CELF4: variants seen among roughly 807,000 people sequenced by gnomAD.
The protein encoded by CELF4 is CUGBP Elav-like family member 4, also known as CUG-BP- and ETR-3-like factor 4.
CELF4 carries 18 observed loss-of-function variants against 59.9 expected under a neutral mutation model. That is an observed-to-expected ratio of 0.30 (90% CI 0.21 to 0.45). The LOEUF is 0.45. CELF4 is among the 20% of genes least tolerant of loss of function. The pLI, the probability that CELF4 is intolerant of heterozygous loss-of-function variation, is 1.00. For missense variants in CELF4, 456 were observed against 689.0 expected, an observed-to-expected ratio of 0.66 and a Z score of 3.79; for synonymous variants, 261 against 267.1, an observed-to-expected ratio of 0.98 and a Z score of 0.22.
At chr18:37,375,904 G>A (rs937741947) in intron 2 of CELF4, among the ~76,000 whole-genome samples, 2 of 152,122 alleles carry the variant, frequency 1.3e-5, no homozygotes, top group Non-Finnish European at 2.9e-5. Flanking sequence ...CCTCCCCATG[G>A]GCTGGAGGAG....
intron 1 of CELF4, among the ~76,000 whole-genome samples, chr18:37,561,803 C>A (rs1305896567): frequency 2.6e-5 from 4 of 152,182 alleles, no homozygotes; most frequent in Admixed American, 2.6e-4. Flanking sequence ...GCCCTCAGCT[C>A]ATTTCTGCTG....
chr18:37,308,380 C>A (rs645501), intron 3 of CELF4, among the ~76,000 whole-genome samples: 2,931 of 152,306 alleles, frequency 0.019, 90 homozygotes, highest in African/African-American at 0.066. Flanking sequence ...CTGGTCTCAG[C>A]AGCTTTTCAG....
At position 37,297,346 on chromosome 18, in the gene CELF4, T is replaced by TA. The variant is rs775364834; in HGVS notation, c.449-22104dup. On this transcript the variant is annotated intron_variant, in intron 3 of 12. Transcript: ENST00000420428. ...CATTGCTGTCTTCAGAATTCTCTTTTAAAATGCAAGATCACTTTATCCAAG... is the reference window on the plus strand; with the variant it reads ...CATTGCTGTCTTCAGAATTCTCTTTTAAAAATGCAAGATCACTTTATCCAAG... Among the ~76,000 whole-genome samples the TA allele has an allele frequency of 1.2e-4, 18 of 152,186 alleles. 1 individual carries two copies. Among genetic ancestry groups the TA allele is most frequent in the South Asian group, 4.1e-4 (2 of 4,832 alleles).
chr18:37,554,015 T>C (rs1035201078), intron 1 of CELF4, among the ~76,000 whole-genome samples: 25 of 152,234 alleles, frequency 1.6e-4, no homozygotes, highest in African/African-American at 6.0e-4. Flanking sequence ...GTGGTCTAGC[T>C]TCTGGGCTCT....
chr18:37,477,779 T>G (rs553037532), intron 2 of CELF4, among the ~76,000 whole-genome samples: 1 of 152,334 alleles, frequency 6.6e-6, no homozygotes, highest in African/African-American at 2.4e-5. Context: ...TTTTGTCCGA[T>G]GCCAGACACC....
chr18:37,243,332 T>A lies in CELF4; in HGVS notation c.*1910A>T, dbSNP rs1568585902. ...TAGAGGAACTGGAAATTTGTTCTTCTAAAGGGAAACTGGTAGGTCTGAGAA... is the reference window on the plus strand; with the variant it reads ...TAGAGGAACTGGAAATTTGTTCTTCAAAAGGGAAACTGGTAGGTCTGAGAA... On this transcript the variant is annotated 3_prime_UTR_variant, in exon 13 of 13. Transcript: ENST00000420428. 1.3e-5 allele frequency: 2 copies of A among 152,060 alleles called. No individual in the cohort carries two copies. The highest frequency in any genetic ancestry group is 2.9e-5 in the Non-Finnish European group (2 of 68,016). 9.4% of individuals were successfully genotyped at this position (152,060 alleles called of 1,614,324 possible).
chr18:37,446,769 CAG>C (rs2099749372), intron 2 of CELF4, among the ~76,000 whole-genome samples: 1 of 152,140 alleles, frequency 6.6e-6, no homozygotes, highest in African/African-American at 2.4e-5. Flanking sequence ...AGCCTGTTTT[CAG>C]AGAGTCTATC....
In CELF4 at chr18:37,253,306, T is replaced by C. The variant is rs2066731346; in HGVS notation, c.*44+461A>G. On this transcript the variant is annotated intron_variant, in intron 12 of 12. Transcript: ENST00000420428. This position sits in a 1 kb window ranked among gnomAD's most constrained non-coding sequence, Gnocchi z 4.5. ...GAAAGACAGGGGTGCAGGGGTCAAG[T>C]GTCTAAAGGCTACCAGCCCTCCTGG... Among the ~76,000 whole-genome samples, 1 of 152,076 alleles carries C rather than the reference T, an allele frequency of 6.6e-6. No individual in the cohort carries two copies. The highest frequency in any genetic ancestry group is 2.4e-5 in the African/African-American group (1 of 41,418).
intron 2 of CELF4, among the ~76,000 whole-genome samples, chr18:37,472,550 A>G (rs984852134): frequency 6.6e-6 from 1 of 152,248 alleles, no homozygotes; most frequent in African/African-American, 2.4e-5. Flanking sequence ...GGAGCTTTGC[A>G]TGCTTCATGC....
At chr18:37,296,119 T>C (rs1242515195) in intron 3 of CELF4, among the ~76,000 whole-genome samples, 1 of 152,222 alleles carries the variant, frequency 6.6e-6, no homozygotes, top group Non-Finnish European at 1.5e-5. Flanking sequence ...CATCCCTGCC[T>C]CTTGGCTTGG....
intron 10 of CELF4, among the ~76,000 whole-genome samples, chr18:37,263,086 A>G (rs1600937901): frequency 1.3e-5 from 2 of 152,086 alleles, no homozygotes; most frequent in African/African-American, 4.8e-5. Flanking sequence ...GTGTGCACTG[A>G]GAATGGAGTT....
intron 2 of CELF4, among the ~76,000 whole-genome samples, chr18:37,353,152 C>A (rs1027041856): frequency 1.4e-5 from 2 of 146,164 alleles, no homozygotes; most frequent in Admixed American, 7.1e-5. Flanking sequence ...ACCCGGGAGG[C>A]GGAAGTTGCA....
chr18:37,331,896 G>T (rs1254016214), intron 2 of CELF4, among the ~76,000 whole-genome samples: 10 of 152,130 alleles, frequency 6.6e-5, no homozygotes, highest in African/African-American at 2.4e-4. Context: ...TGGCCGCAGA[G>T]GATCTGGTGT....
chr18:37,485,614 A>G lies in CELF4; in HGVS notation c.287-7T>C, dbSNP rs779436029. ...TAGGTGAGGAAGGCGCAGCCTGGGG[A>G]GGAAAGCAAGCGCCAAGAAGGGTCA... On this transcript the variant is annotated splice_region_variant and splice_polypyrimidine_tract_variant and intron_variant, in intron 1 of 12. Transcript: ENST00000420428. The G allele has an allele frequency of 1.4e-6, 2 of 1,437,812 alleles. No homozygotes were observed. Among genetic ancestry groups the G allele is most frequent in the South Asian group, 1.5e-5 (1 of 67,132 alleles). The allele number at this position is 1,437,812 out of a possible 1,614,324, so 89.1% of individuals were successfully genotyped here.
intron 2 of CELF4, among the ~76,000 whole-genome samples, chr18:37,445,366 G>A (rs188808349): frequency 5.3e-5 from 8 of 152,030 alleles, no homozygotes; most frequent in Admixed American, 2.6e-4. Context: ...TCGGTGTTTC[G>A]GTAGGCTGAG....
At chr18:37,465,211 G>T (rs1166620075) in intron 2 of CELF4, among the ~76,000 whole-genome samples, 1 of 152,114 alleles carries the variant, frequency 6.6e-6, no homozygotes, top group Non-Finnish European at 1.5e-5. Context: ...ATTTACAATT[G>T]CTTGATTTCC....
chr18:37,515,932 C>A (rs1487283523), intron 1 of CELF4, among the ~76,000 whole-genome samples: 1 of 152,144 alleles, frequency 6.6e-6, no homozygotes, highest in African/African-American at 2.4e-5. Flanking sequence ...GACTTGCCTT[C>A]TTCATTGTAG....
intron 1 of CELF4, among the ~76,000 whole-genome samples, chr18:37,551,890 A>C (rs1281397147): frequency 2.0e-5 from 3 of 152,146 alleles, no homozygotes; most frequent in Non-Finnish European, 4.4e-5. Context: ...GGCAGGTCCA[A>C]ATTTATTCAA....
chr18:37,391,088 A>G (rs2099156331), intron 2 of CELF4, among the ~76,000 whole-genome samples: 1 of 152,120 alleles, frequency 6.6e-6, no homozygotes, highest in Admixed American at 6.5e-5. Flanking sequence ...GCCACCAGAC[A>G]GGAGACGTAG....
Sources: allele counts gnomAD v4.1 joint callset (sites outside exome capture counted in the v4.1 genomes callset), GRCh38; gene constraint gnomAD v4.1.1; non-coding constraint Gnocchi (gnomAD v3.1); transcripts MANE v1.5; gene names NCBI Gene and HGNC (gene_info 2026-07-23, HGNC 2026-07-21).